Variants in SSPN observed in about 807,000 individuals in gnomAD.
SSPN encodes the protein sarcospan.
A neutral mutation model predicts 19.1 loss-of-function variants in SSPN; 15 were observed. The ratio of observed to expected loss-of-function variants is 0.78; its 90% CI spans 0.52 to 1.21. The LOEUF (loss-of-function observed/expected upper bound fraction) is 1.21, where lower values mean the gene tolerates loss of function less well. Ranked by LOEUF, SSPN falls within the 50% of genes most tolerant of loss-of-function variation. The pLI is 0.00. For missense variants in SSPN, 291 were observed against 314.0 expected, an observed-to-expected ratio of 0.93 and a Z score of 0.55; for synonymous variants, 147 against 140.3, an observed-to-expected ratio of 1.05 and a Z score of -0.34.
chr12:26,147,716 A>C (rs1033845839), intron 1 of SSPN, among the ~76,000 whole-genome samples: 2 of 152,236 alleles, frequency 1.3e-5, no homozygotes, highest in African/African-American at 4.8e-5. Context: ...CAAGCCTGAC[A>C]ATAGAAGACT....
chr12:26,155,045 A>G (rs1216042180), intron 1 of SSPN, among the ~76,000 whole-genome samples: 1 of 152,234 alleles, frequency 6.6e-6, no homozygotes, highest in African/African-American at 2.4e-5. Flanking sequence ...TCAGACTACT[A>G]GAGGACATCT....
chr12:26,122,465 G>C (rs1944318180), intron 1 of SSPN: 1 of 1,352,364 alleles, frequency 7.4e-7, no homozygotes, highest in African/African-American at 1.5e-5. Context: ...GGAAGCAGAA[G>C]GGCAGGCAGA....
chr12:26,182,152 C>A (rs1377124896), intron 1 of SSPN, among the ~76,000 whole-genome samples: 1 of 152,154 alleles, frequency 6.6e-6, no homozygotes, highest in Non-Finnish European at 1.5e-5. Flanking sequence ...GTCCTCTACT[C>A]GTAGTAAGAC....
intron 1 of SSPN, among the ~76,000 whole-genome samples, chr12:26,140,069 C>T (rs901398306): frequency 6.6e-6 from 1 of 152,218 alleles, no homozygotes; most frequent in African/African-American, 2.4e-5. Flanking sequence ...GTTTCCATCT[C>T]TGCTTTTCTA....
intron 1 of SSPN, among the ~76,000 whole-genome samples, chr12:26,213,420 A>T (rs1451590806): frequency 6.6e-6 from 1 of 152,212 alleles, no homozygotes; most frequent in Non-Finnish European, 1.5e-5. Flanking sequence ...GGTTAACTTC[A>T]TCAGTCAGCT....
intron 1 of SSPN, among the ~76,000 whole-genome samples, chr12:26,200,657 T>G (rs763466170): frequency 1.1e-4 from 16 of 152,320 alleles, no homozygotes; most frequent in Admixed American, 2.0e-4. Context: ...GTCAAGAAGC[T>G]AAATGTGGTG....
chr12:26,195,405 G>T (rs1014730011), upstream of SSPN: 14 of 449,852 alleles, frequency 3.1e-5, no homozygotes, highest in Non-Finnish European at 5.0e-5. Context: ...ACCCGCGCCG[G>T]TTTCCGCGGG....
At chr12:26,169,902 C>A (rs1349104011) in intron 1 of SSPN, among the ~76,000 whole-genome samples, 1 of 152,134 alleles carries the variant, frequency 6.6e-6, no homozygotes, top group African/African-American at 2.4e-5. Flanking sequence ...AGGCTGTGGA[C>A]CCTAGAAAAT....
intron 1 of SSPN, among the ~76,000 whole-genome samples, chr12:26,164,512 C>A (rs1944609154): frequency 6.6e-6 from 1 of 152,178 alleles, no homozygotes; most frequent in Non-Finnish European, 1.5e-5. Context: ...TGTATTCCAG[C>A]CTAGGCGACA....
chr12:26,167,498 T>C (rs957131120), intron 1 of SSPN, among the ~76,000 whole-genome samples: 1 of 152,184 alleles, frequency 6.6e-6, no homozygotes, highest in African/African-American at 2.4e-5. Flanking sequence ...CTTTACAACA[T>C]TTATCTTTAT....
rs35349803 is a variant in SSPN, at chr12:26,137,636, G to GTATATATATATATATA, written c.-31+15490_-31+15505dup. On this transcript the variant is annotated intron_variant, in intron 1 of 2. Transcript: ENST00000538142. ...CATATATATGTGTGTGTGTGTGTATGTATATATATATATATATATATTTTT... is the reference window on the plus strand; with the variant it reads ...CATATATATGTGTGTGTGTGTGTATGTATATATATATATATATATATATATATATATATATATTTTT... Among the ~76,000 whole-genome samples the GTATATATATATATATA allele has an allele frequency of 8.0e-4, 25 of 31,374 alleles. 1 individual carries two copies. The highest frequency in any genetic ancestry group is 1.1e-3 in the African/African-American group (9 of 7,962). The allele number at this position is 31,374 out of a possible 152,430, so 20.6% of individuals were successfully genotyped here. A position where few individuals can be genotyped will look rare whatever the true frequency, so the allele number is the denominator to read the frequency against.
chr12:26,166,725 A>G (rs1591858298), intron 1 of SSPN, among the ~76,000 whole-genome samples: 1 of 152,250 alleles, frequency 6.6e-6, no homozygotes, highest in Non-Finnish European at 1.5e-5. Flanking sequence ...GTCTGCTTTC[A>G]TAATCCATCA....
intron 2 of SSPN, among the ~76,000 whole-genome samples, chr12:26,228,653 T>TAC (rs71435694): frequency 0.42 from 63,208 of 149,376 alleles, 14,353 homozygotes; most frequent in East Asian, 0.79. Flanking sequence ...CTACGATGGG[T>TAC]ACACACACAC....
intron 1 of SSPN, among the ~76,000 whole-genome samples, chr12:26,210,488 C>A (rs963527955): frequency 6.6e-6 from 1 of 151,960 alleles, no homozygotes; most frequent in African/African-American, 2.4e-5. Context: ...CCCTTTGTCT[C>A]TCCTTTCTAT....
chr12:26,212,686 C>T (rs1945002667), intron 1 of SSPN, among the ~76,000 whole-genome samples: 1 of 151,662 alleles, frequency 6.6e-6, no homozygotes, highest in Non-Finnish European at 1.5e-5. Flanking sequence ...CTGGGGTTGG[C>T]AATACCTAAG....
intron 1 of SSPN, among the ~76,000 whole-genome samples, chr12:26,132,723 G>A (rs751079460): frequency 5.9e-5 from 9 of 152,046 alleles, no homozygotes; most frequent in Admixed American, 1.3e-4. Flanking sequence ...GCTCCTGTTC[G>A]GCTCTCCACC....
intron 1 of SSPN, among the ~76,000 whole-genome samples, chr12:26,163,842 A>T (rs1318129108): frequency 6.6e-6 from 1 of 152,252 alleles, no homozygotes; most frequent in Non-Finnish European, 1.5e-5. Context: ...ATTACAAATC[A>T]ATAACATTAT....
chr12:26,204,629 C>A (rs1347018836), intron 1 of SSPN, among the ~76,000 whole-genome samples: 1 of 152,182 alleles, frequency 6.6e-6, no homozygotes, highest in Admixed American at 6.5e-5. Context: ...GGGCACCCCC[C>A]ACCCGCCCTT....
intron 1 of SSPN, among the ~76,000 whole-genome samples, chr12:26,202,067 T>C (rs1944890659): frequency 6.6e-6 from 1 of 152,222 alleles, no homozygotes; most frequent in Admixed American, 6.5e-5. Context: ...ATGCACATCC[T>C]ACATATGCTT....
Sources: gnomAD v4.1 joint callset for allele counts (sites outside exome capture counted in the v4.1 genomes callset) on GRCh38, gnomAD v4.1.1 for gene constraint, MANE v1.5 for transcripts, NCBI Gene and HGNC (gene_info 2026-07-23, HGNC 2026-07-21) for gene names.